The following ATXN10 variants were observed in gnomAD, a reference collection of about 807,000 sequenced individuals.
ATXN10 encodes ataxin-10.
A neutral mutation model predicts 52.9 loss-of-function variants in ATXN10; 28 were observed. That is an observed-to-expected ratio of 0.53 (90% confidence interval 0.39 to 0.73). The LOEUF (loss-of-function observed/expected upper bound fraction) is 0.73, where lower values mean the gene tolerates loss of function less well. Among genes scored for constraint, ATXN10 ranks in the 30% least tolerant of loss-of-function variants. ATXN10 has a pLI of 0.00. For synonymous variants in ATXN10, 226 were observed against 221.5 expected (o/e 1.02, Z -0.18); for missense variants, 565 against 577.0 (o/e 0.98, Z 0.21).
chr22:45,716,067 C>T (rs1216878468), intron 5 of ATXN10, among the ~76,000 whole-genome samples: 2 of 151,876 alleles, frequency 1.3e-5, no homozygotes, highest in Admixed American at 6.6e-5. Flanking sequence ...CAAGACCAGC[C>T]AGAGCAACAT....
rs1488220625 is a variant in ATXN10 at position 45,690,697 on chromosome 22, C to T, written c.308+794C>T. ...TGTAAAGTTCCAAGCTCTGCTTCCA[C>T]CTATTTTATGATGCGCACATTTTTA... On this transcript the variant is annotated intron_variant, in intron 2 of 11. Coordinates refer to ENST00000252934, the MANE Select transcript of ATXN10 (RefSeq NM_013236.4). This position sits in a 1 kb window ranked among gnomAD's most constrained non-coding sequence, Gnocchi z 4.5. 6.6e-6 allele frequency among the ~76,000 whole-genome samples: 1 copy of T among 152,218 alleles called. No individual in the cohort carries two copies. The highest frequency in any genetic ancestry group is 2.4e-5 in the African/African-American group (1 of 41,452).
At chr22:45,830,186 A>T (rs1210029577) in intron 10 of ATXN10, among the ~76,000 whole-genome samples, 1 of 152,246 alleles carries the variant, frequency 6.6e-6, no homozygotes, top group Non-Finnish European at 1.5e-5. Context: ...ATGAAACTGA[A>T]CCCTTACTTA....
In ATXN10 at chr22:45,718,388, A is replaced by G. The variant is rs1188247819; in HGVS notation, c.648-25A>G. ...TCTTTTACTATGTTTCAAGTAACCA[A>G]ACTTTCCTCCTCTTTTTTCCCTAGG... On this transcript the variant is annotated intron_variant, in intron 5 of 11. Transcript: ENST00000252934. The surrounding 1 kb of genome is among the most constrained non-coding windows in gnomAD (Gnocchi z 4.4). The G allele has an allele frequency of 1.9e-6, 3 of 1,586,656 alleles. No homozygotes were observed. In the African/African-American group the frequency reaches 4.0e-5, roughly 21 times the overall value.
At chr22:45,792,024 C>T (rs767554153) in intron 9 of ATXN10, among the ~76,000 whole-genome samples, 1 of 152,100 alleles carries the variant, frequency 6.6e-6, no homozygotes, top group African/African-American at 2.4e-5. Context: ...CAGATAAGAA[C>T]TGACACTTAT....
In ATXN10 at chr22:45,691,009, G is replaced by A. The variant is rs987261177; in HGVS notation, c.308+1106G>A. Among the ~76,000 whole-genome samples the A allele has an allele frequency of 2.6e-5, 4 of 152,280 alleles. No individual in the cohort carries two copies. In the East Asian group the frequency reaches 7.7e-4, roughly 29 times the overall value. On this transcript the variant is annotated intron_variant, in intron 2 of 11. Transcript: ENST00000252934. ...TCCCTTCGGTTAGACACATATACCC[G>A]AGGCTTTGATATGATTAATGAGATT...
chr22:45,749,439 G>A (rs1179880728), intron 9 of ATXN10, among the ~76,000 whole-genome samples: 2 of 152,150 alleles, frequency 1.3e-5, no homozygotes, highest in Admixed American at 6.5e-5. Context: ...GACCAAATTT[G>A]TGTGACTCTT....
intron 10 of ATXN10, chr22:45,811,858 C>T (rs1928292705): frequency 4.4e-6 from 2 of 453,258 alleles, no homozygotes; most frequent in Non-Finnish European, 9.1e-6. Flanking sequence ...GATCATTCCT[C>T]TCTGATTCTC....
At position 45,729,603 on chromosome 22, in the gene ATXN10, G is replaced by A; in HGVS notation, c.894+13G>A. 1 of 1,613,874 alleles carries A rather than the reference G, an allele frequency of 6.2e-7. No individual in the cohort carries two copies. Among genetic ancestry groups the A allele is most frequent in the Non-Finnish European group, 8.5e-7 (1 of 1,179,876 alleles). On this transcript the variant is annotated intron_variant, in intron 7 of 11. Coordinates refer to ENST00000252934, the MANE Select transcript of ATXN10 (RefSeq NM_013236.4). ...TCCTGATGATGAGGTAAGGGAGGCA[G>A]ATTTCCCAATCTCGGGTAAAAGAGA...
At chr22:45,807,289 G>A (rs1323114787) in intron 10 of ATXN10, among the ~76,000 whole-genome samples, 1 of 152,192 alleles carries the variant, frequency 6.6e-6, no homozygotes, top group Non-Finnish European at 1.5e-5. Flanking sequence ...CTGGGGCACA[G>A]GCAGCCCATG....
rs1012273851 is a variant in ATXN10, at chr22:45,844,989, G to T, written c.*1318G>T. ...TGAAGACACATCAGCTTCTAGGATT[G>T]CAGCAATCTATGAATAACATTTTTT... On this transcript the variant is annotated 3_prime_UTR_variant, in exon 12 of 12. Transcript: ENST00000252934. The T allele has an allele frequency of 6.6e-6, 1 of 152,208 alleles. No homozygotes were observed. The highest frequency in any genetic ancestry group is 2.4e-5 in the African/African-American group (1 of 41,460). The allele number at this position is 152,208 out of a possible 1,614,324, so 9.4% of individuals were successfully genotyped here.
chr22:45,734,869 ATATTATTAT>A (rs10625108), intron 7 of ATXN10, among the ~76,000 whole-genome samples: 9 of 142,360 alleles, frequency 6.3e-5, no homozygotes, highest in Admixed American at 2.8e-4. Context: ...GAAATGGGTT[ATATTATTAT>A]TATTATTATT....
At chr22:45,802,756 A>G (rs9626448) in intron 9 of ATXN10, among the ~76,000 whole-genome samples, 18,975 of 152,188 alleles carry the variant, frequency 0.12, 1,271 homozygotes, top group Middle Eastern at 0.17. Flanking sequence ...TCAGTTTTTA[A>G]TGTGTGATTT....
chr22:45,734,633 A>G (rs1925220375), intron 7 of ATXN10, among the ~76,000 whole-genome samples: 5 of 151,382 alleles, frequency 3.3e-5, no homozygotes, highest in Non-Finnish European at 7.4e-5. Context: ...ACAAACCTAC[A>G]TAGTCTAGTT....
intron 10 of ATXN10, among the ~76,000 whole-genome samples, chr22:45,831,328 A>G (rs1928984973): frequency 6.6e-6 from 1 of 152,150 alleles, no homozygotes; most frequent in Non-Finnish European, 1.5e-5. Context: ...ACTCTTTAGT[A>G]TAGTTAGGAT....
Position 45,830,105 on chromosome 22 carries a change from C to A in ATXN10, c.1238-12886C>A, listed in dbSNP as rs190548125. 1.6e-4 allele frequency among the ~76,000 whole-genome samples: 24 copies of A among 152,274 alleles called. No homozygotes were observed. The East Asian group carries it at 2.9e-3, about 18-fold the overall frequency. On this transcript the variant is annotated intron_variant, in intron 10 of 11. Transcript: ENST00000252934. ...ATGATTGCTGAAAAGGATGACAACA[C>A]CATTCAGTGGAGAAAGCGCAGTCTT...
chr22:45,790,080 A>G lies in ATXN10; in HGVS notation c.1174-16879A>G, dbSNP rs1295957039. Among the ~76,000 whole-genome samples, 1 of 152,226 alleles carries G rather than the reference A, an allele frequency of 6.6e-6. No individual in the cohort carries two copies. Among genetic ancestry groups the G allele is most frequent in the East Asian group, 1.9e-4 (1 of 5,196 alleles). On this transcript the variant is annotated intron_variant, in intron 9 of 11. Transcript: ENST00000252934. The surrounding 1 kb of genome is among the most constrained non-coding windows in gnomAD (Gnocchi z 4.7). ...AGAGATATTAAAATCCAAAGATAACATTGCATTTTAAATTAAAGTCCAAAG... is the reference window on the plus strand; with the variant it reads ...AGAGATATTAAAATCCAAAGATAACGTTGCATTTTAAATTAAAGTCCAAAG...
At chr22:45,831,315 T>C (rs1928984158) in intron 10 of ATXN10, among the ~76,000 whole-genome samples, 1 of 152,132 alleles carries the variant, frequency 6.6e-6, no homozygotes, top group Non-Finnish European at 1.5e-5. Context: ...ACTACCAATG[T>C]GTACTCTTTA....
intron 9 of ATXN10, among the ~76,000 whole-genome samples, chr22:45,765,349 C>G (rs17652822): frequency 2.6e-5 from 4 of 152,000 alleles, no homozygotes; most frequent in Non-Finnish European, 4.4e-5. Context: ...GGAGACTTGG[C>G]AGGGTTTGTA....
At chr22:45,822,901 A>T (rs1432149244) in intron 10 of ATXN10, among the ~76,000 whole-genome samples, 4 of 152,066 alleles carry the variant, frequency 2.6e-5, no homozygotes, top group Non-Finnish European at 4.4e-5. Context: ...GTTTGTTCAG[A>T]TTTTTTGCCC....
Sources: gnomAD v4.1 joint callset for allele counts (sites outside exome capture counted in the v4.1 genomes callset) on GRCh38, gnomAD v4.1.1 for gene constraint, Gnocchi (gnomAD v3.1) non-coding constraint, MANE v1.5 for transcripts, NCBI Gene and HGNC (gene_info 2026-07-23, HGNC 2026-07-21) for gene names.